The following DNAH14 variants were observed in gnomAD, a reference collection of about 807,000 sequenced individuals.
DNAH14 encodes the protein axonemal beta dynein heavy chain 14.
Under a neutral mutation model 520.9 loss-of-function variants are expected in DNAH14, and 478 were observed. That is an observed-to-expected ratio of 0.92 (90% CI 0.85 to 0.99). DNAH14 has a LOEUF of 0.99. Among genes scored for constraint, DNAH14 ranks in the 50% least tolerant of loss-of-function variants. The pLI, the probability that DNAH14 is intolerant of heterozygous loss-of-function variation, is 0.00. For missense variants in DNAH14, 4,831 were observed against 5,234.5 expected, an observed-to-expected ratio of 0.92 and a Z score of 2.38; for synonymous variants, 1,581 against 1,757.2, an observed-to-expected ratio of 0.90 and a Z score of 2.51.
At chr1:225,020,784 A>T (rs1442714003) in intron 10 of DNAH14, among the ~76,000 whole-genome samples, 1 of 152,198 alleles carries the variant, frequency 6.6e-6, no homozygotes, top group Non-Finnish European at 1.5e-5. Flanking sequence ...AAAATCAAGG[A>T]GGAAGGACTC....
At chr1:225,275,494 G>A (rs997085850) in intron 52 of DNAH14, among the ~76,000 whole-genome samples, 2 of 152,146 alleles carry the variant, frequency 1.3e-5, no homozygotes, top group African/African-American at 4.8e-5. Context: ...AATTTGCCAA[G>A]TAAACCAGGA....
intron 23 of DNAH14, among the ~76,000 whole-genome samples, chr1:225,108,586 C>T (rs1226469222): frequency 6.6e-6 from 1 of 152,126 alleles, no homozygotes; most frequent in East Asian, 1.9e-4. Flanking sequence ...GCTGTTTGAA[C>T]TCCATGTATA....
chr1:225,324,218 C>G lies in DNAH14; in HGVS notation c.9496-4C>G. 1.3e-6 allele frequency: 2 copies of G among 1,551,604 alleles called. No individual in the cohort carries two copies. Among genetic ancestry groups the G allele is most frequent in the African/African-American group, 1.4e-5 (1 of 73,178 alleles). ...ATGTAATACATTAACTGTGTTCTCT[C>G]TAGGTTTTCGTGAAGCTAAAAAAAA... On this transcript the variant is annotated splice_polypyrimidine_tract_variant and splice_region_variant and intron_variant, in intron 62 of 85. Coordinates refer to ENST00000682510, the MANE Select transcript of DNAH14 (RefSeq NM_001367479.1).
chr1:225,331,609 A>G (rs1208549498), intron 65 of DNAH14, 32 bp downstream of exon 65: 2 of 1,550,858 alleles, frequency 1.3e-6, no homozygotes, highest in East Asian at 2.4e-5. Flanking sequence ...TATCTCGTCC[A>G]TAATTCCTAC....
chr1:225,103,214 A>T (rs1362625141), intron 23 of DNAH14, among the ~76,000 whole-genome samples: 1 of 152,086 alleles, frequency 6.6e-6, no homozygotes, highest in African/African-American at 2.4e-5. Flanking sequence ...ATGGGACATT[A>T]TTTCTGAGGG....
intron 61 of DNAH14, 34 bp from the exon 62 acceptor site, chr1:225,322,630 G>T (rs2094578688): frequency 7.0e-7 from 1 of 1,425,598 alleles, no homozygotes; most frequent in Non-Finnish European, 9.3e-7. Context: ...ATTTTTAATT[G>T]TGAAGTTGAT....
At chr1:225,205,440 G>A (rs2087421506) in intron 39 of DNAH14, among the ~76,000 whole-genome samples, 1 of 152,194 alleles carries the variant, frequency 6.6e-6, no homozygotes, top group Non-Finnish European at 1.5e-5. Context: ...CTCCAGAACT[G>A]TGAGAAATAA....
intron 2 of DNAH14, among the ~76,000 whole-genome samples, chr1:224,954,149 A>G (rs936050446): frequency 6.6e-6 from 1 of 152,134 alleles, no homozygotes; most frequent in African/African-American, 2.4e-5. Flanking sequence ...AGACATTTTA[A>G]TGAAGGGGAA....
intron 37 of DNAH14, among the ~76,000 whole-genome samples, chr1:225,191,413 T>A (rs564802249): frequency 6.6e-6 from 1 of 152,070 alleles, no homozygotes; most frequent in Non-Finnish European, 1.5e-5. Flanking sequence ...CCTTCTGGCC[T>A]TTGTGCTTTC....
At chr1:225,226,478 G>C (rs1407370033) in intron 41 of DNAH14, among the ~76,000 whole-genome samples, 1 of 152,176 alleles carries the variant, frequency 6.6e-6, no homozygotes, top group Non-Finnish European at 1.5e-5. Flanking sequence ...TCCTCCCTGT[G>C]CTAAAGAACA....
intron 66 of DNAH14, among the ~76,000 whole-genome samples, chr1:225,336,689 C>T (rs2095062414): frequency 6.6e-6 from 1 of 152,130 alleles, no homozygotes; most frequent in Non-Finnish European, 1.5e-5. Context: ...AGAACATTGC[C>T]AAAATTGGCC....
chr1:225,167,960 C>T lies in DNAH14; in HGVS notation c.5467C>T (p.Gln1823Ter). 1 of 1,531,514 alleles carries T rather than the reference C, an allele frequency of 6.5e-7. No homozygotes were observed. Among genetic ancestry groups the T allele is most frequent in the Non-Finnish European group, 8.8e-7 (1 of 1,137,324 alleles). The allele number at this position is 1,531,514 out of a possible 1,614,324, so 94.9% of individuals were successfully genotyped here. The stretch of plus-strand genomic sequence containing the variant: ...TTAGAAAGTAATATATACTGCAACT[C>T]AGCAATTGGGTTTACAAAACTGGTC... ...ALEKVIYTAT[Q>*]QLGLQNWSSQ... is the part of the protein sequence containing the mutation. The change falls in exon 36 of 86, where the codon CAG becomes TAG. Residue 1823 changes from glutamine (Q) to a stop codon, truncating the protein, a stop_gained. Coordinates refer to ENST00000682510, the MANE Select transcript of DNAH14 (RefSeq NM_001367479.1). LOFTEE classifies it high-confidence loss of function.
chr1:225,090,612 C>T (rs1202041753), intron 21 of DNAH14, among the ~76,000 whole-genome samples: 3 of 151,962 alleles, frequency 2.0e-5, no homozygotes, highest in Non-Finnish European at 4.4e-5. Flanking sequence ...AAAGATAATT[C>T]AGAGAAAAAA....
chr1:225,142,073 A>G (rs1042750833), intron 28 of DNAH14, among the ~76,000 whole-genome samples: 4 of 152,222 alleles, frequency 2.6e-5, no homozygotes, highest in Non-Finnish European at 1.5e-5. Context: ...TCACATGTTC[A>G]TTAAAGCATA....
At chr1:225,018,389 C>T (rs1506068) in intron 10 of DNAH14, among the ~76,000 whole-genome samples, 1 of 152,128 alleles carries the variant, frequency 6.6e-6, no homozygotes, top group Admixed American at 6.5e-5. Context: ...ATACGGGATT[C>T]TGTAAAGAGA....
intron 1 of DNAH14, among the ~76,000 whole-genome samples, chr1:224,951,708 T>C (rs1456537762): frequency 6.9e-6 from 1 of 145,460 alleles, no homozygotes; most frequent in Admixed American, 7.1e-5. Flanking sequence ...TGGAGTGCAG[T>C]GGCACAATCT....
At chr1:225,142,226 G>A (rs2079524495) in intron 28 of DNAH14, among the ~76,000 whole-genome samples, 1 of 152,068 alleles carries the variant, frequency 6.6e-6, no homozygotes, top group South Asian at 2.1e-4. Context: ...ATATAGAAAG[G>A]TAAACTAGAA....
chr1:225,282,481 A>T (rs2093648243), intron 54 of DNAH14, among the ~76,000 whole-genome samples: 1 of 152,230 alleles, frequency 6.6e-6, no homozygotes, highest in Non-Finnish European at 1.5e-5. Context: ...CCCCCATAAG[A>T]AGGCCCCGAG....
chr1:225,269,379 G>C (rs1174335988), intron 49 of DNAH14, among the ~76,000 whole-genome samples: 4 of 152,140 alleles, frequency 2.6e-5, no homozygotes, highest in East Asian at 1.9e-4. Flanking sequence ...AAAAACCCTA[G>C]AAGAAAACCT....
Sources: gnomAD v4.1 joint callset for allele counts (sites outside exome capture counted in the v4.1 genomes callset) on GRCh38, gnomAD v4.1.1 for gene constraint, MANE v1.5 for transcripts, NCBI Gene and HGNC (gene_info 2026-07-23, HGNC 2026-07-21) for gene names.